GRIN2B: variants seen among roughly 807,000 people sequenced by gnomAD.
GRIN2B encodes glutamate receptor ionotropic, NMDA 2B.
GRIN2B carries 5 observed loss-of-function variants against 114.5 expected under a neutral mutation model. That is an observed-to-expected ratio of 0.04 (90% CI 0.02 to 0.09). GRIN2B has a LOEUF of 0.09. GRIN2B is among the 10% of genes least tolerant of loss of function. The probability of loss-of-function intolerance (pLI) is 1.00; values close to 1 mark genes in which losing one functional copy is unlikely to be tolerated. For missense variants in GRIN2B, 1,108 were observed against 1,943.5 expected (o/e 0.57, Z 8.08); for synonymous variants, 787 against 745.1 (o/e 1.06, Z -0.92).
At chr12:13,653,318 A>G (rs549913973) in intron 5 of GRIN2B, among the ~76,000 whole-genome samples, 25 of 152,256 alleles carry the variant, frequency 1.6e-4, no homozygotes, top group African/African-American at 6.0e-4. Flanking sequence ...TCTCTGTGAG[A>G]CATAAAAGTT....
At chr12:13,893,905 T>C (rs186566472) in intron 2 of GRIN2B, among the ~76,000 whole-genome samples, 33 of 152,130 alleles carry the variant, frequency 2.2e-4, no homozygotes, top group African/African-American at 7.7e-4. Context: ...TAATAAAGAA[T>C]TTAAAATATA....
chr12:13,833,712 C>G (rs994296032), intron 3 of GRIN2B, among the ~76,000 whole-genome samples: 4 of 152,164 alleles, frequency 2.6e-5, no homozygotes, highest in Non-Finnish European at 5.9e-5. Context: ...GGCTCAACAG[C>G]CCCCACTTCA....
At chr12:13,907,373 C>T (rs935975222) in intron 2 of GRIN2B, among the ~76,000 whole-genome samples, 4 of 151,976 alleles carry the variant, frequency 2.6e-5, no homozygotes, top group African/African-American at 7.2e-5. Context: ...ACCTGTAGTC[C>T]CAGCTACTCT....
chr12:13,555,685 G>A lies in GRIN2B; in HGVS notation c.*7098C>T, dbSNP rs953166289. ...TCTAAAGGCAGAGAGGACAGCATAT[G>A]TGAGGATTCAATAATCAGATTTTCT... On this transcript the variant is annotated 3_prime_UTR_variant, in exon 14 of 14. Coordinates refer to ENST00000609686, the MANE Select transcript of GRIN2B (RefSeq NM_000834.5). 4 of 152,202 alleles carry A rather than the reference G, an allele frequency of 2.6e-5. No individual in the cohort carries two copies. Among genetic ancestry groups the A allele is most frequent in the Non-Finnish European group, 5.9e-5 (4 of 68,036 alleles). 9.4% of individuals were successfully genotyped at this position (152,202 alleles called of 1,614,324 possible).
intron 4 of GRIN2B, among the ~76,000 whole-genome samples, chr12:13,749,499 C>T (rs1863443195): frequency 1.3e-5 from 2 of 152,196 alleles, no homozygotes; most frequent in Admixed American, 6.5e-5. Flanking sequence ...AGCCTTCCTC[C>T]CTACTGCAGT....
At chr12:13,589,628 G>A (rs1008001262) in intron 10 of GRIN2B, among the ~76,000 whole-genome samples, 13 of 152,286 alleles carry the variant, frequency 8.5e-5, no homozygotes, top group South Asian at 2.1e-4. Context: ...AAAAGTAGGC[G>A]GTGAGACTGA....
At chr12:13,866,434 A>G (rs750409352) in intron 2 of GRIN2B, among the ~76,000 whole-genome samples, 2 of 152,206 alleles carry the variant, frequency 1.3e-5, no homozygotes, top group Non-Finnish European at 2.9e-5. Flanking sequence ...AAATCCTTGA[A>G]CAAGGCAATA....
At chr12:13,862,491 A>C (rs1447837094) in intron 3 of GRIN2B, among the ~76,000 whole-genome samples, 1 of 152,198 alleles carries the variant, frequency 6.6e-6, no homozygotes, top group Non-Finnish European at 1.5e-5. Context: ...TCAGACGATT[A>C]CTATGAGCCT....
At chr12:13,885,579 C>A (rs371173189) in intron 2 of GRIN2B, among the ~76,000 whole-genome samples, 200 of 152,266 alleles carry the variant, frequency 1.3e-3, no homozygotes, top group African/African-American at 4.5e-3. Flanking sequence ...TAATCCAAAT[C>A]CTGGTCCCTC....
chr12:13,703,182 G>A (rs1056865359), intron 4 of GRIN2B, among the ~76,000 whole-genome samples: 1 of 152,088 alleles, frequency 6.6e-6, no homozygotes, highest in Non-Finnish European at 1.5e-5. Context: ...GTATGCAAGG[G>A]TTGGGCTTTT....
intron 9 of GRIN2B, among the ~76,000 whole-genome samples, chr12:13,610,296 C>T (rs1949351162): frequency 6.6e-6 from 1 of 152,212 alleles, no homozygotes. Context: ...TCTGTGAAGA[C>T]AAACATCCTT....
chr12:13,692,649 G>C (rs1283160681), intron 4 of GRIN2B, among the ~76,000 whole-genome samples: 1 of 151,780 alleles, frequency 6.6e-6, no homozygotes, highest in Non-Finnish European at 1.5e-5. Context: ...TCCTGTCCTA[G>C]GTCAGTGTTC....
intron 4 of GRIN2B, among the ~76,000 whole-genome samples, chr12:13,734,851 G>C (rs1264654957): frequency 6.6e-6 from 1 of 152,080 alleles, no homozygotes; most frequent in East Asian, 1.9e-4. Context: ...GTCCTTCCAG[G>C]GAAATTGAAA....
At chr12:13,744,216 T>A (rs1212383903) in intron 4 of GRIN2B, among the ~76,000 whole-genome samples, 1 of 152,258 alleles carries the variant, frequency 6.6e-6, no homozygotes, top group African/African-American at 2.4e-5. Context: ...GCAAGCCATT[T>A]TTTAAGAATT....
chr12:13,927,421 G>A (rs567741202), intron 2 of GRIN2B, among the ~76,000 whole-genome samples: 1 of 152,182 alleles, frequency 6.6e-6, no homozygotes, highest in African/African-American at 2.4e-5. Flanking sequence ...TGGGCCATAT[G>A]GTCTCTGCCT....
intron 10 of GRIN2B, 104 bp from the exon 11 acceptor site, chr12:13,572,068 A>G: frequency 1.1e-6 from 1 of 920,520 alleles, no homozygotes; most frequent in Admixed American, 2.0e-5. Context: ...AGTTAGCATT[A>G]GTGGATTTAT....
chr12:13,839,727 C>T (rs371620743), intron 3 of GRIN2B, among the ~76,000 whole-genome samples: 13 of 152,232 alleles, frequency 8.5e-5, no homozygotes, highest in African/African-American at 2.9e-4. Context: ...GTCCACAGTG[C>T]TCAGAGAAAC....
intron 2 of GRIN2B, among the ~76,000 whole-genome samples, chr12:13,955,822 A>G (rs1867579876): frequency 6.6e-6 from 1 of 152,198 alleles, no homozygotes; most frequent in African/African-American, 2.4e-5. Flanking sequence ...TGCCTGCTGT[A>G]TGCAATGCAC....
At chr12:13,579,181 C>T (rs1161390528) in intron 10 of GRIN2B, among the ~76,000 whole-genome samples, 1 of 152,120 alleles carries the variant, frequency 6.6e-6, no homozygotes, top group Admixed American at 6.5e-5. Flanking sequence ...TCAGAGACCA[C>T]GAGCAGCTTA....
Sources: allele counts gnomAD v4.1 joint callset (sites outside exome capture counted in the v4.1 genomes callset), GRCh38; gene constraint gnomAD v4.1.1; transcripts MANE v1.5; gene names NCBI Gene and HGNC (gene_info 2026-07-23, HGNC 2026-07-21).